The following ELMO1 variants were observed in gnomAD, a reference collection of about 807,000 sequenced individuals.
ELMO1 encodes engulfment and cell motility 1, also known as engulfment and cell motility protein 1.
In ELMO1, 26 loss-of-function variants were observed where a neutral mutation model predicts 98.9. The observed-to-expected ratio is 0.26, with a 90% CI of 0.19 to 0.36. ELMO1 has a LOEUF of 0.36. Ranked by LOEUF, ELMO1 falls within the 10% of genes least tolerant of loss-of-function variation. The pLI is 1.00. For synonymous variants in ELMO1, 346 were observed against 346.0 expected, an observed-to-expected ratio of 1.00 and a Z score of 0.00; for missense variants, 627 against 935.2, an observed-to-expected ratio of 0.67 and a Z score of 4.30.
intron 4 of ELMO1, among the ~76,000 whole-genome samples, chr7:37,281,696 T>A (rs1212098247): frequency 1.3e-5 from 2 of 152,198 alleles, no homozygotes; most frequent in Admixed American, 6.5e-5. Context: ...AAGTTCAGAA[T>A]CGTCACAGTC....
At chr7:36,869,338 C>T (rs1033903966) in intron 20 of ELMO1, among the ~76,000 whole-genome samples, 1 of 152,218 alleles carries the variant, frequency 6.6e-6, no homozygotes. Context: ...TGCCCTCTGC[C>T]TTCCTGAACA....
chr7:37,276,505 G>T (rs1229167117), intron 4 of ELMO1, among the ~76,000 whole-genome samples: 1 of 152,124 alleles, frequency 6.6e-6, no homozygotes, highest in Non-Finnish European at 1.5e-5. Flanking sequence ...CAGCTACTCG[G>T]GAGGCTGAGG....
intron 4 of ELMO1, among the ~76,000 whole-genome samples, chr7:37,287,684 C>T (rs540521004): frequency 4.7e-4 from 72 of 152,208 alleles, no homozygotes; most frequent in Admixed American, 1.6e-3. Flanking sequence ...AGTTCATGAA[C>T]CCCAGGATAA....
chr7:36,971,020 T>C (rs142324141), intron 16 of ELMO1, among the ~76,000 whole-genome samples: 166 of 152,328 alleles, frequency 1.1e-3, no homozygotes, highest in African/African-American at 3.6e-3. Flanking sequence ...GGCCCACCCT[T>C]GGGAGATGTT....
At position 37,442,203 on chromosome 7, in the gene ELMO1, C is replaced by T. The variant is rs1006923535; in HGVS notation, c.-74+6472G>A. On this transcript the variant is annotated intron_variant, in intron 1 of 21. Transcript: ENST00000310758. ...CCTTACAACAAAGGATTATCCAGCCCGAAATGTCAATAGCACTGAGGCTGA... is the reference window on the plus strand; with the variant it reads ...CCTTACAACAAAGGATTATCCAGCCTGAAATGTCAATAGCACTGAGGCTGA... Among the ~76,000 whole-genome samples the T allele has an allele frequency of 2.4e-4, 37 of 152,058 alleles. 1 individual carries two copies. The highest frequency in any genetic ancestry group is 2.1e-3 in the Admixed American group (32 of 15,266).
rs564696149 is a variant in ELMO1, at chr7:36,877,883, G to A, written c.1822+127C>T. 23 of 691,456 alleles carry A rather than the reference G, an allele frequency of 3.3e-5. No homozygotes were observed. The Admixed American group carries it at 5.5e-4, about 17-fold the overall frequency. 42.8% of individuals were successfully genotyped at this position (691,456 alleles called of 1,614,324 possible). A position where few individuals can be genotyped will look rare whatever the true frequency, so the allele number is the denominator to read the frequency against. On this transcript the variant is annotated intron_variant, in intron 19 of 21. Coordinates refer to ENST00000310758, the MANE Select transcript of ELMO1 (RefSeq NM_014800.11). ...TACTTGATGAGATGGCTCAGGCGAC[G>A]ACTTACAACTAGATGAGATGTGTTC...
chr7:37,380,726 A>G (rs952993861), intron 1 of ELMO1, among the ~76,000 whole-genome samples: 2 of 152,226 alleles, frequency 1.3e-5, no homozygotes, highest in Admixed American at 1.3e-4. Context: ...CAACATATCA[A>G]TGTGCAACTT....
At chr7:37,157,999 C>T (rs1788922186) in intron 13 of ELMO1, among the ~76,000 whole-genome samples, 1 of 152,076 alleles carries the variant, frequency 6.6e-6, no homozygotes, top group Admixed American at 6.5e-5. Context: ...GAAATAACAC[C>T]ACACATCTAC....
At chr7:37,159,184 G>A (rs2129327310) in intron 13 of ELMO1, among the ~76,000 whole-genome samples, 1 of 152,220 alleles carries the variant, frequency 6.6e-6, no homozygotes, top group African/African-American at 2.4e-5. Context: ...GATAGCATTA[G>A]GAGAAATACC....
intron 4 of ELMO1, among the ~76,000 whole-genome samples, chr7:37,294,686 T>C (rs1274347570): frequency 6.6e-6 from 1 of 152,264 alleles, no homozygotes; most frequent in Non-Finnish European, 1.5e-5. Flanking sequence ...CTGTGTTTTA[T>C]TTATGTCATG....
intron 15 of ELMO1, among the ~76,000 whole-genome samples, chr7:37,038,059 T>C (rs1185434168): frequency 6.6e-6 from 1 of 152,134 alleles, no homozygotes; most frequent in South Asian, 2.1e-4. Flanking sequence ...AAAAGATATA[T>C]TCCTTAGCTG....
chr7:36,947,929 A>G (rs1787636774), intron 16 of ELMO1, among the ~76,000 whole-genome samples: 2 of 152,152 alleles, frequency 1.3e-5, no homozygotes, highest in African/African-American at 4.8e-5. Context: ...ATTTAACTGA[A>G]TAATATGGCA....
intron 15 of ELMO1, among the ~76,000 whole-genome samples, chr7:37,074,931 C>T (rs1340281189): frequency 6.6e-6 from 1 of 152,134 alleles, no homozygotes; most frequent in African/African-American, 2.4e-5. Flanking sequence ...TTTCCACAGA[C>T]CTTGGCTTGA....
At chr7:37,423,435 C>A (rs963483534) in intron 1 of ELMO1, among the ~76,000 whole-genome samples, 4 of 152,118 alleles carry the variant, frequency 2.6e-5, no homozygotes, top group Non-Finnish European at 5.9e-5. Context: ...CAAAAATTAG[C>A]CAGGCGCAGC....
intron 1 of ELMO1, among the ~76,000 whole-genome samples, chr7:37,352,538 G>A (rs1042141845): frequency 8.6e-5 from 13 of 151,892 alleles, no homozygotes; most frequent in African/African-American, 3.1e-4. Flanking sequence ...TTTTTTTAAC[G>A]AAACATCTTG....
intron 13 of ELMO1, among the ~76,000 whole-genome samples, chr7:37,134,573 A>AAAG (rs1469433560): frequency 1.3e-5 from 2 of 151,600 alleles, no homozygotes; most frequent in African/African-American, 4.9e-5. Flanking sequence ...AAAAAAAAAA[A>AAAG]AAGAAGAAAT....
rs370220045 is a variant in ELMO1 at position 36,861,645 on chromosome 7, C to A, written c.1983+14G>T. 6.2e-7 allele frequency: 1 copy of A among 1,611,216 alleles called. No homozygotes were observed. The highest frequency in any genetic ancestry group is 8.5e-7 in the Non-Finnish European group (1 of 1,178,462). On this transcript the variant is annotated intron_variant, in intron 21 of 21. Transcript: ENST00000310758. ...TAACATTATCTCATAAATTATCACC[C>A]CCGAGACCCTTACCTCATGCTTGTC...
chr7:36,977,859 T>C (rs1449892366), intron 16 of ELMO1, among the ~76,000 whole-genome samples: 1 of 152,214 alleles, frequency 6.6e-6, no homozygotes, highest in African/African-American at 2.4e-5. Context: ...TGGAAATGAA[T>C]GCATAGGTGA....
rs143039567 is a variant in ELMO1, at chr7:37,159,152, G to A, written c.1087-25918C>T. Among the ~76,000 whole-genome samples, 134 of 152,212 alleles carry A rather than the reference G, an allele frequency of 8.8e-4. 1 individual carries two copies. The highest frequency in any genetic ancestry group is 2.8e-3 in the African/African-American group (118 of 41,536). ...GGGAACATCACACACTGGGGCTGTC[G>A]TGGGTAGGGGGGCTGGCGGAGGATA... On this transcript the variant is annotated intron_variant, in intron 13 of 21. Coordinates refer to ENST00000310758, the MANE Select transcript of ELMO1 (RefSeq NM_014800.11).
Sources: gnomAD v4.1 joint callset for allele counts (sites outside exome capture counted in the v4.1 genomes callset) on GRCh38, gnomAD v4.1.1 for gene constraint, MANE v1.5 for transcripts, NCBI Gene and HGNC (gene_info 2026-07-23, HGNC 2026-07-21) for gene names.